ZC3H18: variants seen among roughly 807,000 people sequenced by gnomAD.
The protein encoded by ZC3H18 is zinc finger CCCH domain-containing protein 18.
In ZC3H18, 8 loss-of-function variants were observed where a neutral mutation model predicts 106.1. That is an observed-to-expected ratio of 0.08 (90% CI 0.04 to 0.14). The LOEUF is 0.14. Ranked by LOEUF, ZC3H18 falls within the 10% of genes least tolerant of loss-of-function variation. The pLI, the probability that ZC3H18 is intolerant of heterozygous loss-of-function variation, is 1.00. For synonymous variants in ZC3H18, 635 were observed against 522.1 expected (o/e 1.22, Z -2.95); for missense variants, 1,318 against 1,278.4 (o/e 1.03, Z -0.47).
chr16:88,619,884 A>T (rs1031476932), intron 8 of ZC3H18, among the ~76,000 whole-genome samples: 1 of 152,326 alleles, frequency 6.6e-6, no homozygotes, highest in Non-Finnish European at 1.5e-5. Flanking sequence ...AGAGTTATAC[A>T]GGAAGTATAA....
chr16:88,598,322 C>G lies in ZC3H18; in HGVS notation c.833C>G (p.Pro278Arg), dbSNP rs765260154. 1.3e-6 allele frequency: 2 copies of G among 1,596,726 alleles called. No individual in the cohort carries two copies. Among genetic ancestry groups the G allele is most frequent in the Non-Finnish European group, 8.5e-7 (1 of 1,174,438 alleles). ...LGPHPLMPAN[P>R]WGGPVVDEIL... Reference sequence around the variant, plus strand: ...CCTCACCCGCTGATGCCCGCCAACCCTTGGGTGCGTGATGCCTCTTCTTTC... The same window carrying G: ...CCTCACCCGCTGATGCCCGCCAACCGTTGGGTGCGTGATGCCTCTTCTTTC... Residue 278 changes from proline (P) to arginine (R), a missense_variant, in exon 4 of 18, where the codon CCT becomes CGT. Pro to Arg is a moderately radical substitution (Grantham distance 103). Coordinates refer to ENST00000301011, the MANE Select transcript of ZC3H18 (RefSeq NM_144604.4).
At chr16:88,630,430 C>G in intron 16 of ZC3H18, 55 bp from the exon 17 acceptor site, 2 of 1,482,192 alleles carry the variant, frequency 1.3e-6, no homozygotes, top group Admixed American at 1.8e-5. Context: ...AGGCCACCCA[C>G]ACAGCCATTC....
intron 7 of ZC3H18, among the ~76,000 whole-genome samples, chr16:88,610,947 T>G (rs1218707830): frequency 6.6e-6 from 1 of 152,238 alleles, no homozygotes; most frequent in Non-Finnish European, 1.5e-5. Context: ...TGGGATGATT[T>G]CACTCCTAGT....
chr16:88,592,797 A>T (rs1292084795), intron 3 of ZC3H18, among the ~76,000 whole-genome samples: 1 of 152,264 alleles, frequency 6.6e-6, no homozygotes, highest in Non-Finnish European at 1.5e-5. Context: ...ATGCACTGGC[A>T]TTTCGAATGC....
At chr16:88,614,442 C>A (rs980250188) in intron 8 of ZC3H18, among the ~76,000 whole-genome samples, 1 of 152,238 alleles carries the variant, frequency 6.6e-6, no homozygotes, top group Admixed American at 6.5e-5. Context: ...TGAAAGTCAG[C>A]TCTCAGGCAG....
At chr16:88,571,787 A>G in intron 1 of ZC3H18, 2 of 589,454 alleles carry the variant, frequency 3.4e-6, no homozygotes, top group Non-Finnish European at 4.3e-6. Context: ...ACGCTTGGTC[A>G]CTTTGCACGT....
chr16:88,616,284 G>A (rs999492039), intron 8 of ZC3H18, among the ~76,000 whole-genome samples: 6 of 152,152 alleles, frequency 3.9e-5, no homozygotes, highest in South Asian at 4.1e-4. Flanking sequence ...AAACTGGGCC[G>A]AGCCGCTCTT....
chr16:88,590,740 A>G lies in ZC3H18; in HGVS notation c.688+4056A>G, dbSNP rs541196156. On this transcript the variant is annotated intron_variant, in intron 3 of 17. Transcript: ENST00000301011. The stretch of plus-strand genomic sequence containing the variant: ...ACCCCCAACTCATTTTTGTATTTTT[A>G]GCAGACATGGGGTTTCATCATGTTG... Among the ~76,000 whole-genome samples, 9 of 151,020 alleles carry G rather than the reference A, an allele frequency of 6.0e-5. No individual in the cohort carries two copies. The East Asian group carries it at 1.8e-3, about 30-fold the overall frequency.
In ZC3H18 at chr16:88,611,363, CGAGCGAGAGCGG is replaced by C. The variant is rs1421623456; in HGVS notation, c.1308_1319del (p.Glu439_Arg442del). ...AGCGGGAGCGCCGGCAGAGGGAGCGCGAGCGAGAGCGGGAGCGCGAGCGCGACAAGGAGCGGC... is the reference window on the plus strand; with the variant it reads ...AGCGGGAGCGCCGGCAGAGGGAGCGCGAGCGCGAGCGCGACAAGGAGCGGC... On this transcript the variant is annotated inframe_deletion, in exon 8 of 18. Transcript: ENST00000301011. 4.2e-6 allele frequency: 4 copies of C among 943,408 alleles called. No individual in the cohort carries two copies. Among genetic ancestry groups the C allele is most frequent in the African/African-American group, 1.6e-5 (1 of 60,986 alleles). The allele number at this position is 943,408 out of a possible 1,614,324, so 58.4% of individuals were successfully genotyped here.
rs373371355 is a variant in ZC3H18, at chr16:88,628,726, T to G, written c.2470-32T>G. On this transcript the variant is annotated intron_variant, in intron 15 of 17. Transcript: ENST00000301011. Reference sequence around the variant, plus strand: ...GGACACGGCTTCTGGCTCCTGGCCCTGCTGTCCTCACTGGCCTCTCTCTTG... The same window carrying G: ...GGACACGGCTTCTGGCTCCTGGCCCGGCTGTCCTCACTGGCCTCTCTCTTG... 136 of 1,611,990 alleles carry G rather than the reference T, an allele frequency of 8.4e-5. No homozygotes were observed. In the African/African-American group the frequency reaches 1.5e-3, roughly 18 times the overall value.
Position 88,580,193 on chromosome 16 carries a change from T to A in ZC3H18, c.603+2467T>A, listed in dbSNP as rs867237472. Among the ~76,000 whole-genome samples, 402 of 85,822 alleles carry A rather than the reference T, an allele frequency of 4.7e-3. 3 individuals are homozygous for A. Among genetic ancestry groups the A allele is most frequent in the East Asian group, 0.028 (78 of 2,810 alleles). 56.3% of individuals were successfully genotyped at this position (85,822 alleles called of 152,430 possible). On this transcript the variant is annotated intron_variant, in intron 2 of 17. Transcript: ENST00000301011. The stretch of plus-strand genomic sequence containing the variant: ...GTGTGTGTGTGTGTGTGTGTGTGTG[T>A]GTGTGTGTGTGTGTGTATATGTATA...
intron 3 of ZC3H18, among the ~76,000 whole-genome samples, chr16:88,590,555 T>G (rs1030221111): frequency 2.1e-5 from 2 of 97,326 alleles, no homozygotes; most frequent in African/African-American, 7.7e-5. Flanking sequence ...ACTTTGGGTT[T>G]CTTTATTTCT....
At chr16:88,588,845 C>A (rs989108624) in intron 3 of ZC3H18, among the ~76,000 whole-genome samples, 1 of 151,902 alleles carries the variant, frequency 6.6e-6, no homozygotes, top group Non-Finnish European at 1.5e-5. Context: ...CATGATCGTG[C>A]CACTGTACTC....
intron 8 of ZC3H18, among the ~76,000 whole-genome samples, chr16:88,621,816 C>A (rs1905981641): frequency 6.6e-6 from 1 of 152,160 alleles, no homozygotes; most frequent in Non-Finnish European, 1.5e-5. Context: ...TTATTATGAA[C>A]CTACTAGTAT....
intron 2 of ZC3H18, among the ~76,000 whole-genome samples, chr16:88,585,055 A>T (rs1176907220): frequency 2.6e-5 from 4 of 152,386 alleles, no homozygotes; most frequent in East Asian, 1.9e-4. Flanking sequence ...CTGTAAGAAT[A>T]GTAGTAAAAA....
Position 88,572,656 on chromosome 16 carries a change from A to T in ZC3H18, c.-15+2090A>T, listed in dbSNP as rs184250408. On this transcript the variant is annotated intron_variant, in intron 1 of 17. Transcript: ENST00000301011. ...GTGTAAGAAGACCAAACTGAGCACAAATTGCAAACGTGGGTATCAGTTGAG... is the reference window on the plus strand; with the variant it reads ...GTGTAAGAAGACCAAACTGAGCACATATTGCAAACGTGGGTATCAGTTGAG... 2.0e-5 allele frequency among the ~76,000 whole-genome samples: 3 copies of T among 152,158 alleles called. No individual in the cohort carries two copies. In the East Asian group the frequency reaches 5.8e-4, roughly 29 times the overall value.
At position 88,595,908 on chromosome 16, in the gene ZC3H18, G is replaced by A. The variant is rs151229633; in HGVS notation, c.689-2270G>A. 3.7e-3 allele frequency among the ~76,000 whole-genome samples: 571 copies of A among 152,330 alleles called. 5 individuals carry two copies. The highest frequency in any genetic ancestry group is 0.012 in the African/African-American group (505 of 41,562). On this transcript the variant is annotated intron_variant, in intron 3 of 17. Coordinates refer to ENST00000301011, the MANE Select transcript of ZC3H18 (RefSeq NM_144604.4). ...TCCCACATTCCCGACAGTTGGGTGTGTTCCTACACAGATAAAAGTTCACAT... is the reference window on the plus strand; with the variant it reads ...TCCCACATTCCCGACAGTTGGGTGTATTCCTACACAGATAAAAGTTCACAT...
At position 88,627,494 on chromosome 16, in the gene ZC3H18, A is replaced by G. The variant is rs1296337884; in HGVS notation, c.2109-128A>G. 24 of 1,338,090 alleles carry G rather than the reference A, an allele frequency of 1.8e-5. No homozygotes were observed. The highest frequency in any genetic ancestry group is 3.1e-5 in the South Asian group (2 of 64,848). The allele number at this position is 1,338,090 out of a possible 1,614,324, so 82.9% of individuals were successfully genotyped here. A position where few individuals can be genotyped will look rare whatever the true frequency, so the allele number is the denominator to read the frequency against. On this transcript the variant is annotated intron_variant, in intron 13 of 17. Transcript: ENST00000301011. This position sits in a 1 kb window ranked among gnomAD's most constrained non-coding sequence, Gnocchi z 4.5. ...CCCTGAAACTGCCCAGTGTCCCCCC[A>G]AAATCACACATTCCGTGGGTACATG...
chr16:88,593,355 G>A (rs966462133), intron 3 of ZC3H18, among the ~76,000 whole-genome samples: 3 of 152,216 alleles, frequency 2.0e-5, no homozygotes, highest in South Asian at 4.1e-4. Flanking sequence ...TAGCGTCGTG[G>A]ACAGCTTGCA....
Sources: gnomAD v4.1 joint callset for allele counts (sites outside exome capture counted in the v4.1 genomes callset) on GRCh38, gnomAD v4.1.1 for gene constraint, Gnocchi (gnomAD v3.1) non-coding constraint, MANE v1.5 for transcripts, NCBI Gene and HGNC (gene_info 2026-07-23, HGNC 2026-07-21) for gene names.